PENK: variants seen among roughly 807,000 people sequenced by gnomAD.
PENK encodes proenkephalin-A.
A neutral mutation model predicts 24.1 loss-of-function variants in PENK; 25 were observed. That is an observed-to-expected ratio of 1.04 (90% confidence interval 0.76 to 1.45). The LOEUF (loss-of-function observed/expected upper bound fraction) is 1.45. PENK is among the 40% of genes most tolerant of loss of function. PENK has a pLI of 0.00. For synonymous variants in PENK, 135 were observed against 130.3 expected, an observed-to-expected ratio of 1.04 and a Z score of -0.24; for missense variants, 353 against 337.9, an observed-to-expected ratio of 1.04 and a Z score of -0.35.
chr8:56,442,031 A>T, intron 3 of PENK, 94 bp from the exon 4 acceptor site: 1 of 846,734 alleles, frequency 1.2e-6, no homozygotes, highest in Non-Finnish European at 1.9e-6. Context: ...TTGCTTTGAC[A>T]TCATAACTTC....
chr8:56,442,056 G>T (rs191877609), intron 3 of PENK, 119 bp from the exon 4 acceptor site: 3 of 684,908 alleles, frequency 4.4e-6, no homozygotes, highest in Non-Finnish European at 7.4e-6. Flanking sequence ...TTATAATAAG[G>T]TCATCTCCAA....
At chr8:56,444,633 A>G (rs546810623) in intron 3 of PENK, among the ~76,000 whole-genome samples, 1 of 152,364 alleles carries the variant, frequency 6.6e-6, no homozygotes, top group East Asian at 1.9e-4. Flanking sequence ...TTTTTCTCAT[A>G]GTTTAAATAT....
rs926065928 is a variant in PENK at position 56,441,110 on chromosome 8, C to T, written c.*162G>A. 5 of 630,552 alleles carry T rather than the reference C, an allele frequency of 7.9e-6. No individual in the cohort carries two copies. The highest frequency in any genetic ancestry group is 1.4e-5 in the Non-Finnish European group (5 of 355,620). The allele number at this position is 630,552 out of a possible 1,614,324, so 39.1% of individuals were successfully genotyped here. On this transcript the variant is annotated 3_prime_UTR_variant, in exon 4 of 4. Transcript: ENST00000451791. ...CTGAGCTTAAAGACTCCAAAAAGAG[C>T]ACAGAACCTGAAATGACAGTTTTCA... is the stretch of plus-strand genomic sequence containing the variant.
chr8:56,441,976 C>T (rs1267414049), intron 3 of PENK, 39 bp from the exon 4 acceptor site: 7 of 1,519,054 alleles, frequency 4.6e-6, no homozygotes, highest in African/African-American at 2.8e-5. Flanking sequence ...AAAGAAGCTT[C>T]TGTGATTTCA....
chr8:56,445,736 G>A, intron 3 of PENK, 80 bp downstream of exon 3: 3 of 1,582,794 alleles, frequency 1.9e-6, no homozygotes, highest in Non-Finnish European at 2.6e-6. Flanking sequence ...GCGCCGCGCG[G>A]TGGGCCGGAG....
chr8:56,444,036 A>G, intron 3 of PENK: 1 of 699,290 alleles, frequency 1.4e-6, no homozygotes, highest in Non-Finnish European at 2.6e-6. Context: ...CATGATGAGA[A>G]GAGGGTGAGA....
In PENK at chr8:56,441,663, C is replaced by G; in HGVS notation, c.413G>C (p.Gly138Ala). 1 of 1,614,082 alleles carries G rather than the reference C, an allele frequency of 6.2e-7. No homozygotes were observed. The change falls in exon 4 of 4, where the codon GGC (glycine) becomes GCC (alanine). Residue 138 changes from glycine to alanine, a missense_variant. Gly to Ala is a moderately conservative substitution (Grantham distance 60, BLOSUM62 0). Coordinates refer to ENST00000451791, the MANE Select transcript of PENK (RefSeq NM_001135690.3). The part of the protein sequence containing the change: ...GSEILAKRYG[G>A]FMKKDAEEDD... ...CTCCTCTGCATCCTTCTTCATGAAG[C>G]CCCCATACCGCTTGGCGAGGATCTC...
In PENK at chr8:56,441,369, C is replaced by A. The variant is rs148671012; in HGVS notation, c.707G>T (p.Arg236Leu). 1 of 1,614,070 alleles carries A rather than the reference C, an allele frequency of 6.2e-7. No homozygotes were observed. The highest frequency in any genetic ancestry group is 8.5e-7 in the Non-Finnish European group (1 of 1,179,934). Residue 236 changes from arginine (R) to leucine (L), a missense_variant, in exon 4 of 4, where the codon CGC becomes CTC. Arg to Leu is a moderately radical substitution (Grantham distance 102, BLOSUM62 -2). Transcript: ENST00000451791. The part of the protein sequence containing the change: ...YQKRYGGFLK[R>L]FAEALPSDEE... Reference sequence around the variant, plus strand: ...GTCGGAGGGCAGAGCCTCGGCAAAGCGCTTCAGGAAACCTCCATACCGTTT... The same window carrying A: ...GTCGGAGGGCAGAGCCTCGGCAAAGAGCTTCAGGAAACCTCCATACCGTTT...
chr8:56,441,376 G>A lies in PENK; in HGVS notation c.700C>T (p.Leu234=), dbSNP rs1358120206. 6.2e-7 allele frequency: 1 copy of A among 1,614,138 alleles called. No individual in the cohort carries two copies. The highest frequency in any genetic ancestry group is 8.5e-7 in the Non-Finnish European group (1 of 1,180,010). The change falls in exon 4 of 4, where the codon CTG becomes TTG. Residue 234 remains leucine, a synonymous_variant. Coordinates refer to ENST00000451791, the MANE Select transcript of PENK (RefSeq NM_001135690.3). The part of the protein sequence containing the change: ...MDYQKRYGGF[L]KRFAEALPSD... ...GGCAGAGCCTCGGCAAAGCGCTTCA[G>A]GAAACCTCCATACCGTTTCTGGTAG...
rs1804666298 is a variant in PENK, at chr8:56,446,415, A to G, written c.-4+11T>C. 1 of 172,434 alleles carries G rather than the reference A, an allele frequency of 5.8e-6. No individual in the cohort carries two copies. The highest frequency in any genetic ancestry group is 1.2e-5 in the Non-Finnish European group (1 of 80,938). 10.7% of individuals were successfully genotyped at this position (172,434 alleles called of 1,614,324 possible). On this transcript the variant is annotated intron_variant, in intron 2 of 3. Coordinates refer to ENST00000451791, the MANE Select transcript of PENK (RefSeq NM_001135690.3). ...GCTCAGCAAAGACAAGCTTCGGGCA[A>G]ATTCACTCACGTTGACGCTGTTCGG...
chr8:56,445,203 C>T (rs1236235225), intron 3 of PENK: 2 of 159,556 alleles, frequency 1.3e-5, no homozygotes, highest in African/African-American at 2.4e-5. Flanking sequence ...GCTAGTGAGA[C>T]AGTTTGAACT....
At position 56,441,056 on chromosome 8, in the gene PENK, G is replaced by A. The variant is rs1375483326; in HGVS notation, c.*216C>T. On this transcript the variant is annotated 3_prime_UTR_variant, in exon 4 of 4. Transcript: ENST00000451791. The stretch of plus-strand genomic sequence containing the variant: ...AAGATAACAAAAACTATTTTAGCAT[G>A]AAAACGAGATAGCTGCAATAGACTA... 2.2e-6 allele frequency: 1 copy of A among 455,644 alleles called. No homozygotes were observed. Among genetic ancestry groups the A allele is most frequent in the Admixed American group, 3.6e-5 (1 of 27,464 alleles). The allele number at this position is 455,644 out of a possible 1,614,324, so 28.2% of individuals were successfully genotyped here. A position where few individuals can be genotyped will look rare whatever the true frequency, so the allele number is the denominator to read the frequency against.
At chr8:56,446,351 A>C in intron 2 of PENK, 75 bp downstream of exon 2, 2 of 221,206 alleles carry the variant, frequency 9.0e-6, no homozygotes, top group African/African-American at 4.6e-5. Context: ...ATGCAATGAA[A>C]TGTGAAGGGA....
rs1804557346 is a variant in PENK, at chr8:56,441,625, C to T, written c.451G>A (p.Ala151Thr). 1.9e-6 allele frequency: 3 copies of T among 1,614,126 alleles called. No homozygotes were observed. The highest frequency in any genetic ancestry group is 2.5e-6 in the Non-Finnish European group (3 of 1,180,022). Residue 151 changes from alanine to threonine, a missense_variant, in exon 4 of 4, where the codon GCC becomes ACC. Transcript: ENST00000451791. The part of the protein sequence containing the change: ...KKDAEEDDSL[A>T]NSSDLLKELL... ...TCTTTTAGCAGGTCTGAGGAATTGG[C>T]CAGCGAGTCGTCCTCCTCTGCATCC... is the stretch of plus-strand genomic sequence containing the variant.
At position 56,441,480 on chromosome 8, in the gene PENK, A is replaced by G; in HGVS notation, c.596T>C (p.Leu199Pro). 1 of 1,612,684 alleles carries G rather than the reference A, an allele frequency of 6.2e-7. No individual in the cohort carries two copies. Among genetic ancestry groups the G allele is most frequent in the Non-Finnish European group, 8.5e-7 (1 of 1,179,698 alleles). Residue 199 changes from leucine to proline, a missense_variant, in exon 4 of 4, where the codon CTG becomes CCG. Leu to Pro is a moderately conservative substitution (Grantham distance 98). Transcript: ENST00000451791. ...FMRGLKRSPQ[L>P]EDEAKELQKR... ...CTGCAGCTCTTTGGCTTCATCTTCC[A>G]GTTGGGGGCTTCTCTTTAAGCCTCT...
chr8:56,444,090 T>C, intron 3 of PENK: 1 of 653,008 alleles, frequency 1.5e-6, no homozygotes, highest in Non-Finnish European at 2.8e-6. Flanking sequence ...AGGGAAGAGC[T>C]AGCTGCTACC....
At chr8:56,446,013 T>G in intron 2 of PENK, 57 bp from the exon 3 acceptor site, 4 of 1,500,788 alleles carry the variant, frequency 2.7e-6, no homozygotes, top group Non-Finnish European at 3.6e-6. Context: ...ACGGGGTCCC[T>G]CGGCAGGACC....
Position 56,441,785 on chromosome 8 carries a change from G to C in PENK, c.291C>G (p.Ala97=). ...NSKPEESHLL[A]KRYGGFMKRY... The stretch of plus-strand genomic sequence containing the variant: ...TTTTCATGAAGCCCCCATACCTTTT[G>C]GCTAGCAAATGGCTTTCTTCCGGTT... The change falls in exon 4 of 4, where the codon GCC becomes GCG. Residue 97 remains alanine, a synonymous_variant. Coordinates refer to ENST00000451791, the MANE Select transcript of PENK (RefSeq NM_001135690.3). 1.9e-6 allele frequency: 3 copies of C among 1,614,002 alleles called. No homozygotes were observed. Among genetic ancestry groups the C allele is most frequent in the Non-Finnish European group, 2.5e-6 (3 of 1,180,010 alleles).
At chr8:56,442,355 C>T (rs965930213) in intron 3 of PENK, among the ~76,000 whole-genome samples, 1 of 152,082 alleles carries the variant, frequency 6.6e-6, no homozygotes, top group Non-Finnish European at 1.5e-5. Context: ...GGGATATTTC[C>T]TCAAAATTCC....
Sources: gnomAD v4.1 joint callset for allele counts (sites outside exome capture counted in the v4.1 genomes callset) on GRCh38, gnomAD v4.1.1 for gene constraint, MANE v1.5 for transcripts, NCBI Gene and HGNC (gene_info 2026-07-23, HGNC 2026-07-21) for gene names.